Variants in CLIP4 observed in about 807,000 individuals in gnomAD.
CLIP4 encodes the protein CAP-Gly domain-containing linker protein 4.
Under a neutral mutation model 73.1 loss-of-function variants are expected in CLIP4, and 47 were observed. That is an observed-to-expected ratio of 0.64 (90% CI 0.51 to 0.82). The LOEUF is 0.82. Among genes scored for constraint, CLIP4 ranks in the 40% least tolerant of loss-of-function variants. The pLI is 0.00. For missense variants in CLIP4, 874 were observed against 852.9 expected, an observed-to-expected ratio of 1.02 and a Z score of -0.31; for synonymous variants, 306 against 295.4, an observed-to-expected ratio of 1.04 and a Z score of -0.37.
intron 2 of CLIP4, among the ~76,000 whole-genome samples, chr2:29,122,597 A>G (rs1318461401): frequency 2.0e-5 from 3 of 152,156 alleles, no homozygotes; most frequent in Non-Finnish European, 4.4e-5. Context: ...AATACATTGA[A>G]TGAAAGGTAA....
rs577566140 is a variant in CLIP4 at position 29,167,390 on chromosome 2, A to C, written c.1659-86A>C. 21 of 813,618 alleles carry C rather than the reference A, an allele frequency of 2.6e-5. No homozygotes were observed. In the African/African-American group the frequency reaches 3.2e-4, roughly 12 times the overall value. The allele number at this position is 813,618 out of a possible 1,614,324, so 50.4% of individuals were successfully genotyped here. A position where few individuals can be genotyped will look rare whatever the true frequency, so the allele number is the denominator to read the frequency against. The stretch of plus-strand genomic sequence containing the variant: ...AAATATTTGTCTGATGAATGACTAC[A>C]ATTGGTGTGAAAAACTTAGTTGATA... On this transcript the variant is annotated intron_variant, in intron 13 of 15. Coordinates refer to ENST00000320081, the MANE Select transcript of CLIP4 (RefSeq NM_024692.6).
intron 9 of CLIP4, among the ~76,000 whole-genome samples, chr2:29,155,919 T>C (rs1317167912): frequency 6.6e-6 from 1 of 152,262 alleles, no homozygotes; most frequent in Non-Finnish European, 1.5e-5. Flanking sequence ...CATCCCTGTC[T>C]GAAGTGTTAC....
At chr2:29,146,154 C>T (rs1053995836) in intron 8 of CLIP4, among the ~76,000 whole-genome samples, 5 of 152,148 alleles carry the variant, frequency 3.3e-5, no homozygotes, top group Non-Finnish European at 2.9e-5. Flanking sequence ...GGGGTTTTTT[C>T]GTTAGTAGGC....
chr2:29,152,736 A>C lies in CLIP4; in HGVS notation c.1073A>C (p.Asn358Thr), dbSNP rs140842469. 2.0e-4 allele frequency: 319 copies of C among 1,613,704 alleles called. No individual in the cohort carries two copies. Among genetic ancestry groups the C allele is most frequent in the Middle Eastern group, 3.3e-4 (2 of 6,080 alleles). ...KISKAKGRRKNITHTPSTKAA... is the reference protein window; with the variant it reads ...KISKAKGRRKTITHTPSTKAA... ...AGTAAAGCAAAAGGTCGAAGGAAGA[A>C]TATAACACACACTCCTTCTACAAAA... Residue 358 changes from asparagine (N) to threonine (T), a missense_variant, in exon 9 of 16, where the codon AAT becomes ACT. Coordinates refer to ENST00000320081, the MANE Select transcript of CLIP4 (RefSeq NM_024692.6).
chr2:29,148,749 C>A (rs940646753), intron 8 of CLIP4, among the ~76,000 whole-genome samples: 1 of 152,154 alleles, frequency 6.6e-6, no homozygotes, highest in African/African-American at 2.4e-5. Flanking sequence ...AGATTTAGTT[C>A]TCTACATGAG....
chr2:29,165,259 TTTC>T (rs1181695707), intron 13 of CLIP4, among the ~76,000 whole-genome samples: 1,074 of 81,062 alleles, frequency 0.013, 10 homozygotes, highest in African/African-American at 0.043. Flanking sequence ...TCTTTCTTTC[TTTC>T]TTTTTTTTTT....
chr2:29,171,921 G>C (rs2148095192), intron 14 of CLIP4, among the ~76,000 whole-genome samples: 1 of 149,610 alleles, frequency 6.7e-6, no homozygotes, highest in South Asian at 2.1e-4. Context: ...TGATATTTTT[G>C]TTATTTTATT....
intron 2 of CLIP4, among the ~76,000 whole-genome samples, chr2:29,124,281 G>T (rs977780153): frequency 1.1e-4 from 16 of 152,056 alleles, no homozygotes; most frequent in Non-Finnish European, 1.5e-5. Flanking sequence ...ATTATAGGTT[G>T]GTAGTTTTCT....
intron 7 of CLIP4, among the ~76,000 whole-genome samples, chr2:29,144,782 C>A (rs1186188071): frequency 1.4e-5 from 2 of 146,738 alleles, no homozygotes; most frequent in African/African-American, 2.5e-5. Context: ...TTGAGTTTCC[C>A]AACATAGTTA....
intron 8 of CLIP4, among the ~76,000 whole-genome samples, chr2:29,150,690 G>A (rs918943524): frequency 9.6e-6 from 1 of 104,602 alleles, no homozygotes; most frequent in Non-Finnish European, 1.7e-5. Flanking sequence ...TCACTCTGTT[G>A]CCCAGGCTGG....
chr2:29,170,751 T>C (rs1199896379), intron 14 of CLIP4, among the ~76,000 whole-genome samples: 1 of 152,214 alleles, frequency 6.6e-6, no homozygotes, highest in East Asian at 1.9e-4. Flanking sequence ...AGATCTATGA[T>C]CCATTTTGAG....
At chr2:29,156,541 G>C in intron 10 of CLIP4, 98 bp downstream of exon 10, 1 of 834,846 alleles carries the variant, frequency 1.2e-6, no homozygotes. Flanking sequence ...AAGTTTTAAA[G>C]TTGGCAAGGG....
chr2:29,171,204 A>G (rs1239730251), intron 14 of CLIP4, among the ~76,000 whole-genome samples: 1 of 152,174 alleles, frequency 6.6e-6, no homozygotes, highest in African/African-American at 2.4e-5. Context: ...TGACATGTTA[A>G]TATTTAGTCT....
intron 5 of CLIP4, among the ~76,000 whole-genome samples, chr2:29,134,906 G>A (rs1665238482): frequency 6.6e-6 from 1 of 152,086 alleles, no homozygotes; most frequent in South Asian, 2.1e-4. Context: ...GCATTTCTAT[G>A]CTTAATTAGA....
chr2:29,165,509 C>A (rs1667551491), intron 13 of CLIP4, among the ~76,000 whole-genome samples: 1 of 152,196 alleles, frequency 6.6e-6, no homozygotes, highest in Admixed American at 6.5e-5. Context: ...GTGCCCTTAA[C>A]CGTAACCCTA....
rs1055632317 is a variant in CLIP4 at position 29,182,296 on chromosome 2, T to G, written c.*403T>G. 1 of 154,956 alleles carries G rather than the reference T, an allele frequency of 6.5e-6. No homozygotes were observed. 9.6% of individuals were successfully genotyped at this position (154,956 alleles called of 1,614,324 possible). A position where few individuals can be genotyped will look rare whatever the true frequency, so the allele number is the denominator to read the frequency against. On this transcript the variant is annotated 3_prime_UTR_variant, in exon 16 of 16. Coordinates refer to ENST00000320081, the MANE Select transcript of CLIP4 (RefSeq NM_024692.6). ...TGTGTAATGTTCACGTGACCTTTTTTTGTCAATCATTTTTGGAATTTTTCT... is the reference window on the plus strand; with the variant it reads ...TGTGTAATGTTCACGTGACCTTTTTGTGTCAATCATTTTTGGAATTTTTCT...
chr2:29,136,269 G>A (rs541692109), intron 6 of CLIP4, among the ~76,000 whole-genome samples: 2 of 150,772 alleles, frequency 1.3e-5, no homozygotes, highest in South Asian at 4.2e-4. Flanking sequence ...ATTCTTAATC[G>A]TGTTATACTT....
At chr2:29,124,008 G>T (rs1664432992) in intron 2 of CLIP4, among the ~76,000 whole-genome samples, 1 of 152,052 alleles carries the variant, frequency 6.6e-6, no homozygotes, top group Admixed American at 6.6e-5. Context: ...TATATATTTT[G>T]CTTAAACATT....
At chr2:29,171,732 G>A (rs756640416) in intron 14 of CLIP4, among the ~76,000 whole-genome samples, 4 of 151,842 alleles carry the variant, frequency 2.6e-5, no homozygotes, top group Non-Finnish European at 5.9e-5. Context: ...GTTAGCCAGG[G>A]TGGTCTTGAT....
Sources: allele counts gnomAD v4.1 joint callset (sites outside exome capture counted in the v4.1 genomes callset), GRCh38; gene constraint gnomAD v4.1.1; transcripts MANE v1.5; gene names NCBI Gene and HGNC (gene_info 2026-07-23, HGNC 2026-07-21).